IL1RAPL2: variants seen among roughly 807,000 people sequenced by gnomAD.
IL1RAPL2 encodes interleukin 1 receptor accessory protein like 2.
In IL1RAPL2, 3 loss-of-function variants were observed where a neutral mutation model predicts 44.1. The observed-to-expected ratio is 0.07, with a 90% CI of 0.03 to 0.18. IL1RAPL2 has a LOEUF of 0.18. Among genes scored for constraint, IL1RAPL2 ranks in the 10% least tolerant of loss-of-function variants. IL1RAPL2 has a pLI of 1.00. For missense variants in IL1RAPL2, 391 were observed against 496.4 expected (o/e 0.79, Z 2.02); for synonymous variants, 181 against 178.8 (o/e 1.01, Z -0.10).
chrX:104,730,755 G>A (rs1269553399), intron 2 of IL1RAPL2, among the ~76,000 whole-genome samples: 2 of 109,267 alleles, frequency 1.8e-5, no homozygotes, highest in Non-Finnish European at 3.8e-5. Flanking sequence ...GGATGGCTGG[G>A]TCAAATGGAA....
At chrX:105,750,585 C>T (rs1171840209) in intron 9 of IL1RAPL2, among the ~76,000 whole-genome samples, 2 of 108,501 alleles carry the variant, frequency 1.8e-5, no homozygotes, top group Non-Finnish European at 3.8e-5. Flanking sequence ...GGATTACAGA[C>T]ATTAGCCACT....
intron 2 of IL1RAPL2, among the ~76,000 whole-genome samples, chrX:104,931,976 T>TGTTTG (rs1924913080): frequency 8.4e-5 from 4 of 47,858 alleles, no homozygotes; most frequent in African/African-American, 2.5e-4. Flanking sequence ...GTGTGTGTGT[T>TGTTTG]TGTATATATA....
intron 1 of IL1RAPL2, among the ~76,000 whole-genome samples, chrX:104,592,362 T>C (rs1194626096): frequency 5.4e-5 from 6 of 110,548 alleles, no homozygotes; most frequent in Non-Finnish European, 9.5e-5. Flanking sequence ...TGCTTATCAG[T>C]TGCCTGCAAA....
intron 3 of IL1RAPL2, among the ~76,000 whole-genome samples, chrX:105,198,309 T>C (rs781978257): frequency 8.9e-6 from 1 of 112,047 alleles, no homozygotes; most frequent in East Asian, 2.8e-4. Context: ...TAATATTGTA[T>C]GTTGCTTAAT....
intron 2 of IL1RAPL2, among the ~76,000 whole-genome samples, chrX:104,769,348 A>G (rs1430116554): frequency 9.0e-6 from 1 of 111,577 alleles, no homozygotes; most frequent in Non-Finnish European, 1.9e-5. Flanking sequence ...GTAAATATAT[A>G]TGTATGGGCT....
chrX:105,544,679 A>C (rs1443026708), intron 6 of IL1RAPL2, among the ~76,000 whole-genome samples: 1 of 112,009 alleles, frequency 8.9e-6, no homozygotes, highest in Non-Finnish European at 1.9e-5. Context: ...TAATTTGGGA[A>C]TTTAGCTAAT....
At chrX:104,691,829 G>A (rs1931096689) in intron 2 of IL1RAPL2, among the ~76,000 whole-genome samples, 1 of 111,505 alleles carries the variant, frequency 9.0e-6, no homozygotes, top group Non-Finnish European at 1.9e-5. Context: ...TTCAGTGGTA[G>A]TCTGTTTTGA....
chrX:105,467,807 G>C (rs1296204155), intron 5 of IL1RAPL2, among the ~76,000 whole-genome samples: 1 of 111,659 alleles, frequency 9.0e-6, no homozygotes, highest in South Asian at 3.7e-4. Context: ...AGGGGGCATT[G>C]TAATAGGGAA....
intron 2 of IL1RAPL2, among the ~76,000 whole-genome samples, chrX:105,192,794 G>A (rs368246408): frequency 8.0e-5 from 9 of 111,868 alleles, no homozygotes; most frequent in African/African-American, 2.6e-4. Context: ...TGGGGATAAC[G>A]TTTAGAAATT....
intron 5 of IL1RAPL2, among the ~76,000 whole-genome samples, chrX:105,315,578 G>GTATATATATATATATATATATATATATA (rs771525814): frequency 0.054 from 1,176 of 21,618 alleles, 391 homozygotes; most frequent in Non-Finnish European, 0.13. Flanking sequence ...ACTAATGGAT[G>GTATATATATATATATATATATATATATA]TATATATATA....
chrX:104,582,307 C>T (rs1281692508), intron 1 of IL1RAPL2, among the ~76,000 whole-genome samples: 2 of 111,792 alleles, frequency 1.8e-5, no homozygotes, highest in East Asian at 5.7e-4. Context: ...GAGCACCCAA[C>T]TAGCAAACAG....
intron 4 of IL1RAPL2, among the ~76,000 whole-genome samples, chrX:105,255,044 CT>C (rs1423743228): frequency 9.0e-6 from 1 of 111,308 alleles, no homozygotes; most frequent in Non-Finnish European, 1.9e-5. Context: ...GGGCTGGGCT[CT>C]TTTTTGGTTC....
chrX:105,101,815 C>T (rs763282025), intron 2 of IL1RAPL2, among the ~76,000 whole-genome samples: 1 of 111,756 alleles, frequency 8.9e-6, no homozygotes, highest in African/African-American at 3.3e-5. Context: ...TCCCTCTAAA[C>T]ATGTATGTCT....
chrX:104,753,235 T>C lies in IL1RAPL2; in HGVS notation c.82+94240T>C, dbSNP rs748130843. ...GTACTTAATGACTTAAATCCTATCC[T>C]CTGAGACATTTCAACATAACTCAAT... On this transcript the variant is annotated intron_variant, in intron 2 of 10. Coordinates refer to ENST00000372582, the MANE Select transcript of IL1RAPL2 (RefSeq NM_017416.2). Among the ~76,000 whole-genome samples, 4 of 109,563 alleles carry C rather than the reference T, an allele frequency of 3.7e-5. No individual in the cohort carries two copies. In the South Asian group the frequency reaches 1.6e-3, roughly 44 times the overall value.
intron 2 of IL1RAPL2, among the ~76,000 whole-genome samples, chrX:104,781,868 C>G (rs1030540807): frequency 4.5e-5 from 5 of 111,388 alleles, no homozygotes; most frequent in African/African-American, 1.6e-4. Context: ...AACCTAATAC[C>G]AAATAAGATA....
chrX:105,459,677 A>T (rs1387857462), intron 5 of IL1RAPL2, among the ~76,000 whole-genome samples: 1 of 111,721 alleles, frequency 9.0e-6, no homozygotes, highest in African/African-American at 3.2e-5. Flanking sequence ...CTCTTTATGT[A>T]GAAACTAAAA....
intron 5 of IL1RAPL2, among the ~76,000 whole-genome samples, chrX:105,281,266 A>T (rs2858230): frequency 6.4e-5 from 7 of 109,831 alleles, no homozygotes; most frequent in African/African-American, 2.4e-4. Context: ...CACACCGGGG[A>T]CTTTTGGGGA....
intron 2 of IL1RAPL2, among the ~76,000 whole-genome samples, chrX:104,810,753 T>C (rs949683803): frequency 5.4e-5 from 6 of 111,733 alleles, no homozygotes; most frequent in African/African-American, 2.0e-4. Flanking sequence ...ATTAAAAAAT[T>C]TGGAGAGTTA....
At chrX:105,320,732 ATG>A (rs1253344681) in intron 5 of IL1RAPL2, among the ~76,000 whole-genome samples, 1 of 111,611 alleles carries the variant, frequency 9.0e-6, no homozygotes, top group Non-Finnish European at 1.9e-5. Context: ...TGTCTTATGC[ATG>A]TGTGTATGTG....
Sources: gnomAD v4.1 joint callset for allele counts (sites outside exome capture counted in the v4.1 genomes callset) on GRCh38, gnomAD v4.1.1 for gene constraint, MANE v1.5 for transcripts, NCBI Gene and HGNC (gene_info 2026-07-23, HGNC 2026-07-21) for gene names.